RMDN2: variants seen among roughly 807,000 people sequenced by gnomAD.
RMDN2 encodes the protein regulator of microtubule dynamics 2.
Under a neutral mutation model 52.8 loss-of-function variants are expected in RMDN2, and 61 were observed. The observed-to-expected ratio is 1.16, with a 90% confidence interval of 0.94 to 1.43. The LOEUF is 1.43. Ranked by LOEUF, RMDN2 falls within the 40% of genes most tolerant of loss-of-function variation. The pLI, the probability that RMDN2 is intolerant of heterozygous loss-of-function variation, is 0.00. For synonymous variants in RMDN2, 180 were observed against 153.1 expected, an observed-to-expected ratio of 1.18 and a Z score of -1.30; for missense variants, 592 against 475.3, an observed-to-expected ratio of 1.25 and a Z score of -2.28.
intron 7 of RMDN2, among the ~76,000 whole-genome samples, chr2:37,995,377 T>G (rs1379036354): frequency 6.9e-6 from 1 of 143,904 alleles, no homozygotes; most frequent in Non-Finnish European, 1.6e-5. Context: ...ACACACACAC[T>G]CATAAATTTT....
At chr2:37,979,000 A>C (rs1026423707) in intron 4 of RMDN2, among the ~76,000 whole-genome samples, 8 of 152,172 alleles carry the variant, frequency 5.3e-5, no homozygotes, top group Admixed American at 4.6e-4. Context: ...GAAATTCGTA[A>C]AGAAATAGGT....
intron 2 of RMDN2, among the ~76,000 whole-genome samples, chr2:37,942,563 C>T (rs1277742346): frequency 6.6e-6 from 1 of 152,172 alleles, no homozygotes; most frequent in African/African-American, 2.4e-5. Flanking sequence ...GAATTCTTAT[C>T]TTCCCATACA....
At chr2:38,064,873 T>C (rs1682205569) in intron 10 of RMDN2, among the ~76,000 whole-genome samples, 1 of 152,226 alleles carries the variant, frequency 6.6e-6, no homozygotes, top group Admixed American at 6.5e-5. Flanking sequence ...GGGAAGTGGG[T>C]ACAGCTTCCC....
chr2:37,964,093 C>A (rs1414047730), intron 2 of RMDN2, among the ~76,000 whole-genome samples: 1 of 150,806 alleles, frequency 6.6e-6, no homozygotes, highest in Admixed American at 6.6e-5. Flanking sequence ...TCCTCACTTC[C>A]CAGACGGGGC....
chr2:37,964,749 C>T (rs1482639154), intron 2 of RMDN2, among the ~76,000 whole-genome samples: 2 of 152,156 alleles, frequency 1.3e-5, no homozygotes, highest in East Asian at 3.8e-4. Context: ...TACTAATCAT[C>T]CGCCTGGTTG....
chr2:38,002,889 G>A (rs1676510016), intron 8 of RMDN2: 1 of 152,202 alleles, frequency 6.6e-6, no homozygotes, highest in Non-Finnish European at 1.5e-5. Context: ...GAGACTCCAG[G>A]TTGTAAGCTT....
At chr2:37,974,612 C>A (rs1458655821) in intron 3 of RMDN2, 1 of 148,778 alleles carries the variant, frequency 6.7e-6, no homozygotes, top group African/African-American at 2.5e-5. Context: ...ATAAGAAAAG[C>A]CTGTCCAGAG....
intron 2 of RMDN2, among the ~76,000 whole-genome samples, chr2:37,958,053 T>C (rs374408432): frequency 2.0e-5 from 3 of 152,344 alleles, no homozygotes; most frequent in East Asian, 1.9e-4. Flanking sequence ...TGTAGCCTTG[T>C]AGTGTAGTTT....
At chr2:37,963,979 C>T (rs1243166159) in intron 2 of RMDN2, among the ~76,000 whole-genome samples, 15 of 149,976 alleles carry the variant, frequency 1.0e-4, no homozygotes, top group East Asian at 7.9e-4. Flanking sequence ...GGCGGCTGGC[C>T]GGGCGGGGGC....
chr2:37,938,542 T>G (rs1350052411), intron 2 of RMDN2, among the ~76,000 whole-genome samples: 1 of 152,228 alleles, frequency 6.6e-6, no homozygotes, highest in Non-Finnish European at 1.5e-5. Flanking sequence ...TTATGGTTGG[T>G]AGGCTATTAA....
At chr2:37,962,450 G>C (rs1471826487) in intron 2 of RMDN2, among the ~76,000 whole-genome samples, 1 of 152,202 alleles carries the variant, frequency 6.6e-6, no homozygotes, top group Non-Finnish European at 1.5e-5. Context: ...ACTGCAGTGG[G>C]CTCCACCCAG....
intron 10 of RMDN2, among the ~76,000 whole-genome samples, chr2:38,042,221 A>C (rs561073655): frequency 3.4e-4 from 51 of 152,166 alleles, no homozygotes; most frequent in Non-Finnish European, 6.0e-4. Flanking sequence ...TAAGTTATCA[A>C]ATGTGTAGGC....
intron 10 of RMDN2, among the ~76,000 whole-genome samples, chr2:38,012,822 A>G (rs1369987473): frequency 6.6e-6 from 1 of 152,236 alleles, no homozygotes; most frequent in Non-Finnish European, 1.5e-5. Context: ...ACTAGTTACA[A>G]GAGGACAACC....
At chr2:38,019,399 A>G (rs528035092), downstream of RMDN2, among the ~76,000 whole-genome samples, 13 of 152,350 alleles carry the variant, frequency 8.5e-5, no homozygotes, top group South Asian at 2.5e-3. Context: ...TTCTCATAAT[A>G]TGTCTTCAAT....
chr2:37,946,225 G>A (rs1322111826), intron 2 of RMDN2, among the ~76,000 whole-genome samples: 6 of 152,156 alleles, frequency 3.9e-5, no homozygotes, highest in Non-Finnish European at 7.3e-5. Flanking sequence ...GAAATAGAAA[G>A]TAGATACCTT....
intron 10 of RMDN2, among the ~76,000 whole-genome samples, chr2:38,009,995 G>A (rs1216281946): frequency 6.6e-6 from 1 of 152,210 alleles, no homozygotes; most frequent in Non-Finnish European, 1.5e-5. Context: ...CTGTTTGCCT[G>A]GGTATCAGCA....
At chr2:38,036,028 A>T (rs567413592) in intron 10 of RMDN2, 1 of 147,674 alleles carries the variant, frequency 6.8e-6, no homozygotes, top group South Asian at 2.1e-4. Flanking sequence ...GGGCAAGTAG[A>T]AAAAAAAAAA....
At chr2:37,933,950 T>C (rs1667078898) in intron 2 of RMDN2, among the ~76,000 whole-genome samples, 2 of 152,252 alleles carry the variant, frequency 1.3e-5, no homozygotes, top group African/African-American at 4.8e-5. Flanking sequence ...TGTCCTTTTA[T>C]AATCTCCTGT....
At chr2:37,977,253 A>G (rs1175198267) in intron 4 of RMDN2, among the ~76,000 whole-genome samples, 1 of 152,222 alleles carries the variant, frequency 6.6e-6, no homozygotes, top group Non-Finnish European at 1.5e-5. Context: ...CTTTCTACAC[A>G]CAGTAACAAT....
Sources: allele counts gnomAD v4.1 joint callset (sites outside exome capture counted in the v4.1 genomes callset), GRCh38; gene constraint gnomAD v4.1.1; transcripts MANE v1.5; gene names NCBI Gene and HGNC (gene_info 2026-07-23, HGNC 2026-07-21).